The following PELP1 variants were observed in gnomAD, a reference collection of about 807,000 sequenced individuals.
PELP1 encodes proline, glutamate and leucine rich protein 1.
In PELP1, 32 loss-of-function variants were observed where a neutral mutation model predicts 95.5. That is an observed-to-expected ratio of 0.34 (90% CI 0.25 to 0.45). PELP1 has a LOEUF of 0.45. Among genes scored for constraint, PELP1 ranks in the 20% least tolerant of loss-of-function variants. The probability of loss-of-function intolerance (pLI) is 1.00; values close to 1 mark genes in which losing one functional copy is unlikely to be tolerated. For missense variants in PELP1, 1,358 were observed against 1,444.8 expected (o/e 0.94, Z 0.97); for synonymous variants, 668 against 600.1 (o/e 1.11, Z -1.65).
chr17:4,683,396 AT>A lies in PELP1; in HGVS notation c.421-445del, dbSNP rs901054229. Among the ~76,000 whole-genome samples, 9 of 151,372 alleles carry A rather than the reference AT, an allele frequency of 5.9e-5. No homozygotes were observed. In the South Asian group the frequency reaches 1.0e-3, roughly 18 times the overall value. ...CCACCACGCCTGACTAATTTTTTGT[AT>A]TTTTAGTAGAGACGGGGTTTCACTA... On this transcript the variant is annotated intron_variant, in intron 3 of 16. Transcript: ENST00000572293.
intron 3 of PELP1, among the ~76,000 whole-genome samples, chr17:4,687,820 G>C (rs1912960255): frequency 6.6e-6 from 1 of 152,154 alleles, no homozygotes; most frequent in Non-Finnish European, 1.5e-5. Context: ...AAATAACTAA[G>C]TGGAGATGTT....
At chr17:4,687,619 T>C (rs1346141570) in intron 3 of PELP1, among the ~76,000 whole-genome samples, 9 of 151,946 alleles carry the variant, frequency 5.9e-5, no homozygotes, top group East Asian at 1.9e-4. Flanking sequence ...TTTTAAAGGA[T>C]TGGAAAATAA....
chr17:4,684,060 C>T (rs12452404), intron 3 of PELP1, among the ~76,000 whole-genome samples: 97,510 of 151,778 alleles, frequency 0.64, 32,446 homozygotes, highest in South Asian at 0.85. Context: ...GGCTCAAACC[C>T]ACCCTGGAAC....
chr17:4,699,850 G>C (rs1210421179), intron 1 of PELP1, among the ~76,000 whole-genome samples: 1 of 150,192 alleles, frequency 6.7e-6, no homozygotes, highest in Non-Finnish European at 1.5e-5. Flanking sequence ...GCCTCCCAAA[G>C]TGCTGGGATT....
rs547859354 is a variant in PELP1 at position 4,690,924 on chromosome 17, A to G, written c.384T>C (p.Cys128=). 7 of 1,613,814 alleles carry G rather than the reference A, an allele frequency of 4.3e-6. 1 individual carries two copies. The South Asian group carries it at 6.6e-5, about 15-fold the overall frequency. ...GCTGAATGCTCCGAAGCCAAGACAC[A>G]CAGTGCTGCTGGAATAGCTCTGTGG... ...ESPTELFQQH[C]VSWLRSIQQV... The change falls in exon 3 of 17, where the codon TGT becomes TGC. Residue 128 remains cysteine (C), a synonymous_variant. Coordinates refer to ENST00000572293, the MANE Select transcript of PELP1 (RefSeq NM_014389.3).
chr17:4,683,794 T>C (rs904961447), intron 3 of PELP1, among the ~76,000 whole-genome samples: 1 of 147,074 alleles, frequency 6.8e-6, no homozygotes, highest in Non-Finnish European at 1.5e-5. Flanking sequence ...GACTCCAAAG[T>C]GCTAGGATTA....
intron 5 of PELP1, 93 bp from the exon 6 acceptor site, chr17:4,676,905 C>T: frequency 5.3e-6 from 5 of 945,170 alleles, no homozygotes; most frequent in Non-Finnish European, 8.2e-6. Flanking sequence ...GACTCTAAGC[C>T]CAGGTCTCTT....
At chr17:4,687,004 T>G (rs1397480886) in intron 3 of PELP1, among the ~76,000 whole-genome samples, 2 of 152,182 alleles carry the variant, frequency 1.3e-5, no homozygotes, top group East Asian at 3.9e-4. Flanking sequence ...ATGCTGGAAT[T>G]CTTCAAACAG....
At chr17:4,702,215 T>C (rs531246209) in intron 1 of PELP1, among the ~76,000 whole-genome samples, 1 of 152,250 alleles carries the variant, frequency 6.6e-6, no homozygotes, top group South Asian at 2.1e-4. Flanking sequence ...ACTCGGGACT[T>C]TGAGACCAGC....
chr17:4,680,511 C>A (rs1912648017), intron 5 of PELP1, among the ~76,000 whole-genome samples: 1 of 152,154 alleles, frequency 6.6e-6, no homozygotes, highest in African/African-American at 2.4e-5. Flanking sequence ...CTCCTGAGCT[C>A]ATGCAATCTG....
chr17:4,698,633 T>C lies in PELP1; in HGVS notation c.249+5230A>G, dbSNP rs1302049632. 4.0e-5 allele frequency among the ~76,000 whole-genome samples: 3 copies of C among 75,224 alleles called. No homozygotes were observed. In the East Asian group the frequency reaches 1.0e-3, roughly 25 times the overall value. The allele number at this position is 75,224 out of a possible 152,430, so 49.3% of individuals were successfully genotyped here. A position where few individuals can be genotyped will look rare whatever the true frequency, so the allele number is the denominator to read the frequency against. ...CTCCAGCCTAGGCAACAGACTGAGA[T>C]TGTCTCAAAAAAAAAAAAACAAGGC... On this transcript the variant is annotated intron_variant, in intron 1 of 16. Coordinates refer to ENST00000572293, the MANE Select transcript of PELP1 (RefSeq NM_014389.3).
intron 3 of PELP1, among the ~76,000 whole-genome samples, chr17:4,688,803 C>T (rs1567666162): frequency 1.3e-5 from 2 of 152,080 alleles, no homozygotes; most frequent in Non-Finnish European, 2.9e-5. Flanking sequence ...ATGCAATTCC[C>T]ACCAAAATAC....
intron 1 of PELP1, 69 bp downstream of exon 1, chr17:4,703,794 G>C: frequency 1.4e-6 from 2 of 1,401,370 alleles, no homozygotes; most frequent in South Asian, 2.6e-5. Flanking sequence ...GCACTGCACC[G>C]TAATCCCGGC....
At chr17:4,674,391 T>G in intron 13 of PELP1, 119 bp downstream of exon 13, 1 of 892,270 alleles carries the variant, frequency 1.1e-6, no homozygotes, top group Non-Finnish European at 1.8e-6. Flanking sequence ...CGAAGGCTGG[T>G]CTAGGCACTC....
chr17:4,686,520 T>C (rs1193962059), intron 3 of PELP1, among the ~76,000 whole-genome samples: 3 of 152,104 alleles, frequency 2.0e-5, no homozygotes, highest in African/African-American at 7.2e-5. Flanking sequence ...ATATTTTCTT[T>C]CTTTCTTTCT....
intron 1 of PELP1, among the ~76,000 whole-genome samples, chr17:4,698,233 T>C (rs1446739015): frequency 6.6e-6 from 1 of 151,966 alleles, no homozygotes; most frequent in Non-Finnish European, 1.5e-5. Flanking sequence ...CATGATTAGA[T>C]CCTAACCTGA....
At chr17:4,689,983 G>A (rs372939121) in intron 3 of PELP1, among the ~76,000 whole-genome samples, 94 of 152,170 alleles carry the variant, frequency 6.2e-4, no homozygotes, top group Non-Finnish European at 5.7e-4. Context: ...CTGAGAGCGC[G>A]CCACTGCACT....
In PELP1 at chr17:4,675,743, T is replaced by C. The variant is rs749688244; in HGVS notation, c.1068+54A>G. The C allele has an allele frequency of 7.7e-7, 1 of 1,299,968 alleles. No homozygotes were observed. The highest frequency in any genetic ancestry group is 1.1e-6 in the Non-Finnish European group (1 of 916,586). The allele number at this position is 1,299,968 out of a possible 1,614,324, so 80.5% of individuals were successfully genotyped here. On this transcript the variant is annotated intron_variant, in intron 9 of 16. Transcript: ENST00000572293. The surrounding 1 kb of genome is among the most constrained non-coding windows in gnomAD (Gnocchi z 4.3). ...GAGACTCAGGTCCCCAGTACTTTCC[T>C]GGTTGCCTGGTATCCTGAGCAAGGG...
chr17:4,699,112 G>A (rs577248513), intron 1 of PELP1, among the ~76,000 whole-genome samples: 1 of 152,302 alleles, frequency 6.6e-6, no homozygotes, highest in Admixed American at 6.5e-5. Context: ...CAGGTGCGGT[G>A]GCTCAGGCCT....
Sources: allele counts gnomAD v4.1 joint callset (sites outside exome capture counted in the v4.1 genomes callset), GRCh38; gene constraint gnomAD v4.1.1; non-coding constraint Gnocchi (gnomAD v3.1); transcripts MANE v1.5; gene names NCBI Gene and HGNC (gene_info 2026-07-23, HGNC 2026-07-21).